Variants in ZNF45 observed in about 807,000 individuals in gnomAD.
The protein encoded by ZNF45 is BRC1744.
Under a neutral mutation model 12.0 loss-of-function variants are expected in ZNF45, and 4 were observed. The observed-to-expected ratio is 0.33, with a 90% confidence interval of 0.16 to 0.76. The LOEUF (loss-of-function observed/expected upper bound fraction) is 0.76. ZNF45 is among the 30% of genes least tolerant of loss of function. The probability of loss-of-function intolerance (pLI) is 0.60; values close to 1 mark genes in which losing one functional copy is unlikely to be tolerated. For synonymous variants in ZNF45, 272 were observed against 279.6 expected (o/e 0.97, Z 0.27); for missense variants, 700 against 813.0 (o/e 0.86, Z 1.69).
Position 43,922,309 on chromosome 19 carries a change from TTG to T in ZNF45, c.-32-94_-32-93del. ...ACCATAGCTGTTTTTTTGTTTTGTT[TTG>T]TTTTTTTTAACGTGAAATAGCAACA... On this transcript the variant is annotated intron_variant, in intron 6 of 9. Transcript: ENST00000269973. The T allele has an allele frequency of 5.5e-6, 5 of 913,224 alleles. No homozygotes were observed. In the African/African-American group the frequency reaches 7.5e-5, roughly 14 times the overall value. The allele number at this position is 913,224 out of a possible 1,614,324, so 56.6% of individuals were successfully genotyped here.
At chr19:43,933,706 AAC>A (rs1409125639) in intron 2 of ZNF45, among the ~76,000 whole-genome samples, 1 of 152,220 alleles carries the variant, frequency 6.6e-6, no homozygotes, top group African/African-American at 2.4e-5. Context: ...AATTTCATAA[AAC>A]ACAGACAAAA....
intron 9 of ZNF45, among the ~76,000 whole-genome samples, chr19:43,917,359 A>C (rs1483204548): frequency 1.3e-5 from 2 of 152,246 alleles, no homozygotes; most frequent in African/African-American, 4.8e-5. Flanking sequence ...TTAATCAAAC[A>C]AATTGTTCAA....
intron 4 of ZNF45, among the ~76,000 whole-genome samples, 178 bp from the exon 5 acceptor site, chr19:43,924,739 C>A (rs1973527674): frequency 6.6e-6 from 1 of 152,146 alleles, no homozygotes; most frequent in Non-Finnish European, 1.5e-5. Context: ...ACCAGCCCAC[C>A]AGTACTGGAA....
rs572194973 is a variant in ZNF45, at chr19:43,924,275, T to G, written c.-70A>C. The stretch of plus-strand genomic sequence containing the variant: ...TACTGTTGTATCAGTTGTGTGACCT[T>G]GGTCCAAACACCTAAACTTCTGTGC... On this transcript the variant is annotated 5_prime_UTR_variant, in exon 6 of 10. Coordinates refer to ENST00000269973, the MANE Select transcript of ZNF45 (RefSeq NM_003425.4). 6.6e-6 allele frequency: 1 copy of G among 152,356 alleles called. No individual in the cohort carries two copies. The highest frequency in any genetic ancestry group is 2.4e-5 in the African/African-American group (1 of 41,582). 9.4% of individuals were successfully genotyped at this position (152,356 alleles called of 1,614,324 possible).
intron 3 of ZNF45, among the ~76,000 whole-genome samples, chr19:43,926,717 C>T (rs373168): frequency 0.49 from 73,865 of 151,992 alleles, 18,863 homozygotes; most frequent in East Asian, 0.81. Flanking sequence ...CAGTGGAATG[C>T]AGGGGTTCTA....
chr19:43,927,901 G>A (rs566455607), intron 3 of ZNF45, among the ~76,000 whole-genome samples: 11 of 152,204 alleles, frequency 7.2e-5, no homozygotes, highest in Admixed American at 3.9e-4. Flanking sequence ...CTGGCTGGGC[G>A]CGGTGGCTCA....
rs747996366 is a variant in ZNF45 at position 43,913,569 on chromosome 19, A to T, written c.1867T>A (p.Trp623Arg). 6.2e-7 allele frequency: 1 copy of T among 1,610,608 alleles called. No individual in the cohort carries two copies. Among genetic ancestry groups the T allele is most frequent in the Non-Finnish European group, 8.5e-7 (1 of 1,178,992 alleles). Residue 623 changes from tryptophan (W) to arginine (R), a missense_variant, in exon 10 of 10, where the codon TGG becomes AGG. Physicochemically the swap from Trp to Arg is moderately radical, Grantham distance 101. Transcript: ENST00000269973. ...KCEECGKVFSWSSYLQAHQRV... is the reference protein window; with the variant it reads ...KCEECGKVFSRSSYLQAHQRV... ...TGATGGGCTTGAAGGTATGAGCTCCAGCTGAAGACTTTCCCACATTCCTCA... is the reference window on the plus strand; with the variant it reads ...TGATGGGCTTGAAGGTATGAGCTCCTGCTGAAGACTTTCCCACATTCCTCA...
intron 6 of ZNF45, among the ~76,000 whole-genome samples, chr19:43,922,819 T>TG (rs1973301808): frequency 8.5e-6 from 1 of 117,914 alleles, no homozygotes; most frequent in Admixed American, 1.2e-4. Context: ...ATAAATTCTT[T>TG]GTTTTTTTTT....
chr19:43,928,925 T>A (rs1973903631), intron 3 of ZNF45, among the ~76,000 whole-genome samples: 1 of 152,266 alleles, frequency 6.6e-6, no homozygotes. Flanking sequence ...ACCAAGGCAC[T>A]GTTTACATAA....
At chr19:43,919,454 T>A in intron 8 of ZNF45, 119 bp downstream of exon 8, 2 of 1,267,214 alleles carry the variant, frequency 1.6e-6, no homozygotes, top group Non-Finnish European at 2.2e-6. Flanking sequence ...TCCATATCTG[T>A]CTTATGATGG....
intron 9 of ZNF45, among the ~76,000 whole-genome samples, chr19:43,916,254 A>G (rs1401271242): frequency 1.3e-5 from 2 of 151,978 alleles, no homozygotes; most frequent in African/African-American, 4.8e-5. Flanking sequence ...TGCTGGGACT[A>G]CAGAAGCACA....
At chr19:43,916,410 C>G (rs147168963) in intron 9 of ZNF45, among the ~76,000 whole-genome samples, 134 of 152,352 alleles carry the variant, frequency 8.8e-4, no homozygotes, top group African/African-American at 3.1e-3. Flanking sequence ...GCCCCCACGC[C>G]TGGCCCAGTG....
chr19:43,915,664 C>T (rs1026067855), intron 9 of ZNF45, among the ~76,000 whole-genome samples: 9 of 152,028 alleles, frequency 5.9e-5, no homozygotes, highest in South Asian at 2.1e-4. Flanking sequence ...TATAGGAGTG[C>T]GAATCCTATC....
intron 7 of ZNF45, among the ~76,000 whole-genome samples, chr19:43,920,536 G>A (rs8107103): frequency 0.03 from 298 of 10,072 alleles, 7 homozygotes; most frequent in African/African-American, 0.04. Flanking sequence ...GTTGCCGGGT[G>A]GGGGGGGGGG....
chr19:43,913,390 T>C lies in ZNF45; in HGVS notation c.2046A>G (p.Arg682=). 6.5e-7 allele frequency: 1 copy of C among 1,531,288 alleles called. No homozygotes were observed. Among genetic ancestry groups the C allele is most frequent in the Non-Finnish European group, 8.8e-7 (1 of 1,141,568 alleles). 94.9% of individuals were successfully genotyped at this position (1,531,288 alleles called of 1,614,324 possible). A position where few individuals can be genotyped will look rare whatever the true frequency, so the allele number is the denominator to read the frequency against. ...PSSEDSHRKT[R] is the part of the protein sequence containing the mutation. ...ATCTGAGATAGTAAAACATATTTTA[T>C]CGAGTTTTCCTGTGTGAATCCTCTG... The change falls in exon 10 of 10, where the codon CGA becomes CGG. Residue 682 remains arginine, a synonymous_variant. Coordinates refer to ENST00000269973, the MANE Select transcript of ZNF45 (RefSeq NM_003425.4).
chr19:43,914,064 T>A lies in ZNF45; in HGVS notation c.1372A>T (p.Asn458Tyr), dbSNP rs762896709. 1 of 1,613,692 alleles carries A rather than the reference T, an allele frequency of 6.2e-7. No individual in the cohort carries two copies. The highest frequency in any genetic ancestry group is 1.7e-5 in the Admixed American group (1 of 59,988). Residue 458 changes from asparagine to tyrosine, a missense_variant, in exon 10 of 10, where the codon AAT becomes TAT. Coordinates refer to ENST00000269973, the MANE Select transcript of ZNF45 (RefSeq NM_003425.4). ...TGGCCTCTTTGATGGGCCAGAAGAT[T>A]TGAGGCCTGGCTGAAGCCCTTGCCA... ...ECGKGFSQASNLLAHQRGHTG... is the reference protein window; with the variant it reads ...ECGKGFSQASYLLAHQRGHTG...
In ZNF45 at chr19:43,922,155, G is replaced by A; in HGVS notation, c.15+16C>T. 6.2e-7 allele frequency: 1 copy of A among 1,609,672 alleles called. No homozygotes were observed. Among genetic ancestry groups the A allele is most frequent in the Non-Finnish European group, 8.5e-7 (1 of 1,176,962 alleles). On this transcript the variant is annotated intron_variant, in intron 7 of 9. Coordinates refer to ENST00000269973, the MANE Select transcript of ZNF45 (RefSeq NM_003425.4). ...TGAGATGACAATTATTACGGAGAAA[G>A]GGAGGTCCAACTCACCTTAGACTTC...
chr19:43,919,422 A>T, intron 8 of ZNF45, 151 bp downstream of exon 8: 1 of 864,190 alleles, frequency 1.2e-6, no homozygotes, highest in Non-Finnish European at 1.7e-6. Flanking sequence ...CACTTTTGCC[A>T]GGGGAGAAAG....
chr19:43,932,249 T>C (rs1340623574), intron 3 of ZNF45, among the ~76,000 whole-genome samples: 1 of 152,140 alleles, frequency 6.6e-6, no homozygotes, highest in Non-Finnish European at 1.5e-5. Flanking sequence ...GGCAGGAGAA[T>C]TGCTGAAACC....
Sources: gnomAD v4.1 joint callset for allele counts (sites outside exome capture counted in the v4.1 genomes callset) on GRCh38, gnomAD v4.1.1 for gene constraint, MANE v1.5 for transcripts, NCBI Gene and HGNC (gene_info 2026-07-23, HGNC 2026-07-21) for gene names.